RASGRF2: variants seen among roughly 807,000 people sequenced by gnomAD.
RASGRF2 encodes the protein ras-specific guanine nucleotide-releasing factor 2.
A neutral mutation model predicts 151.0 loss-of-function variants in RASGRF2; 76 were observed. That is an observed-to-expected ratio of 0.50 (90% CI 0.42 to 0.61). The LOEUF (loss-of-function observed/expected upper bound fraction) is 0.61. Among genes scored for constraint, RASGRF2 ranks in the 20% least tolerant of loss-of-function variants. RASGRF2 has a pLI of 0.00. For synonymous variants in RASGRF2, 504 were observed against 566.5 expected, an observed-to-expected ratio of 0.89 and a Z score of 1.57; for missense variants, 1,148 against 1,564.6, an observed-to-expected ratio of 0.73 and a Z score of 4.49.
intron 1 of RASGRF2, among the ~76,000 whole-genome samples, chr5:81,042,199 C>T (rs1309439064): frequency 6.6e-6 from 1 of 152,146 alleles, no homozygotes; most frequent in African/African-American, 2.4e-5. Flanking sequence ...GAGCCCAGTT[C>T]CTTTCATCCA....
chr5:81,177,076 C>A (rs1166092663), intron 17 of RASGRF2, among the ~76,000 whole-genome samples: 1 of 152,146 alleles, frequency 6.6e-6, no homozygotes, highest in African/African-American at 2.4e-5. Context: ...ACAATCCCAA[C>A]ACCATGCTAC....
At chr5:81,166,345 A>G (rs1754507180) in intron 17 of RASGRF2, among the ~76,000 whole-genome samples, 1 of 151,750 alleles carries the variant, frequency 6.6e-6, no homozygotes. Flanking sequence ...GTGCCACGAC[A>G]CCTGGCTAAT....
intron 1 of RASGRF2, among the ~76,000 whole-genome samples, chr5:80,964,702 T>C (rs1399693045): frequency 2.6e-5 from 4 of 152,192 alleles, no homozygotes; most frequent in African/African-American, 9.6e-5. Context: ...TTTTCAAAAC[T>C]ATTTAAATGG....
In RASGRF2 at chr5:81,106,488, T is replaced by C. The variant is rs547272953; in HGVS notation, c.1756-2508T>C. On this transcript the variant is annotated intron_variant, in intron 12 of 26. Coordinates refer to ENST00000265080, the MANE Select transcript of RASGRF2 (RefSeq NM_006909.3). The stretch of plus-strand genomic sequence containing the variant: ...CCCTCAGTGGCTTCCCATCTGCCTA[T>C]AGGATAAAATTAAAATTCAAGACTC... Among the ~76,000 whole-genome samples, 53 of 152,328 alleles carry C rather than the reference T, an allele frequency of 3.5e-4. 1 individual carries two copies. Among genetic ancestry groups the C allele is most frequent in the African/African-American group, 1.1e-3 (47 of 41,578 alleles).
intron 1 of RASGRF2, among the ~76,000 whole-genome samples, chr5:80,988,010 T>TGTGC (rs1259282538): frequency 1.1e-4 from 3 of 27,592 alleles, no homozygotes; most frequent in Non-Finnish European, 1.8e-4. Context: ...TAAATGTGCG[T>TGTGC]GTGTGTGTGT....
At chr5:81,087,394 A>C in intron 9 of RASGRF2, 1 of 697,402 alleles carries the variant, frequency 1.4e-6, no homozygotes, top group Non-Finnish European at 2.6e-6. Context: ...CCCATTTTTC[A>C]TCAGCACTTC....
intron 2 of RASGRF2, among the ~76,000 whole-genome samples, chr5:81,047,835 C>T (rs1484154868): frequency 6.6e-6 from 1 of 152,128 alleles, no homozygotes; most frequent in African/African-American, 2.4e-5. Context: ...TTTTGATTAC[C>T]TGTGTCTGAG....
At position 81,125,397 on chromosome 5, in the gene RASGRF2, G is replaced by C. The variant is rs181952213; in HGVS notation, c.2596+1630G>C. ...GGATATTAGCCCTTGGGGCTTTAAG[G>C]CTCCAAGTCAGTTATGGGTTATCCT... On this transcript the variant is annotated intron_variant, in intron 16 of 26. Transcript: ENST00000265080. Among the ~76,000 whole-genome samples, 262 of 152,290 alleles carry C rather than the reference G, an allele frequency of 1.7e-3. 2 individuals are homozygous for C. Among genetic ancestry groups the C allele is most frequent in the Non-Finnish European group, 3.0e-3 (202 of 68,022 alleles).
chr5:81,060,721 T>C (rs1242162371), intron 2 of RASGRF2, among the ~76,000 whole-genome samples: 1 of 152,248 alleles, frequency 6.6e-6, no homozygotes, highest in Admixed American at 6.5e-5. Flanking sequence ...ATGTTACTTA[T>C]AATCCCAATG....
At chr5:81,029,701 CAA>C (rs1360340394) in intron 1 of RASGRF2, among the ~76,000 whole-genome samples, 1 of 152,190 alleles carries the variant, frequency 6.6e-6, no homozygotes, top group Non-Finnish European at 1.5e-5. Context: ...TGGGGAGAAA[CAA>C]GAGCAGAAAA....
chr5:81,075,003 G>A lies in RASGRF2; in HGVS notation c.887+1551G>A, dbSNP rs1027519913. On this transcript the variant is annotated intron_variant, in intron 5 of 26. Transcript: ENST00000265080. The stretch of plus-strand genomic sequence containing the variant: ...AGACATTGGTCAGGTTTTGAGCAGA[G>A]AAGGGGTGTGATGTGACTTCTGTTT... Among the ~76,000 whole-genome samples, 4 of 152,214 alleles carry A rather than the reference G, an allele frequency of 2.6e-5. No individual in the cohort carries two copies. In the South Asian group the frequency reaches 6.2e-4, roughly 24 times the overall value.
chr5:81,144,178 TA>T (rs1212167809), intron 17 of RASGRF2, among the ~76,000 whole-genome samples: 1 of 152,220 alleles, frequency 6.6e-6, no homozygotes, highest in Non-Finnish European at 1.5e-5. Flanking sequence ...AGCTTTTAGT[TA>T]AAAAAATTTT....
At chr5:81,128,998 G>A (rs1032471784) in intron 17 of RASGRF2, among the ~76,000 whole-genome samples, 1 of 152,186 alleles carries the variant, frequency 6.6e-6, no homozygotes, top group African/African-American at 2.4e-5. Context: ...AATCAGCTGG[G>A]CGTGGTGGCG....
At chr5:81,178,947 C>G (rs1433020395) in intron 17 of RASGRF2, among the ~76,000 whole-genome samples, 1 of 152,118 alleles carries the variant, frequency 6.6e-6, no homozygotes, top group African/African-American at 2.4e-5. Context: ...ACCATGTTAG[C>G]CGGGATGGTC....
intron 26 of RASGRF2, among the ~76,000 whole-genome samples, chr5:81,221,753 G>T (rs532293383): frequency 6.6e-6 from 1 of 152,254 alleles, no homozygotes; most frequent in Non-Finnish European, 1.5e-5. Flanking sequence ...AAGGCAGCCG[G>T]ATTACCTGAG....
chr5:81,039,941 C>T (rs554155706), intron 1 of RASGRF2, among the ~76,000 whole-genome samples: 198 of 152,190 alleles, frequency 1.3e-3, no homozygotes, highest in African/African-American at 4.5e-3. Context: ...AGAGGTACAG[C>T]GTCATTCACT....
At chr5:81,136,793 GT>G (rs1205743892) in intron 17 of RASGRF2, among the ~76,000 whole-genome samples, 1 of 151,878 alleles carries the variant, frequency 6.6e-6, no homozygotes, top group Non-Finnish European at 1.5e-5. Context: ...TTCTGTTTGG[GT>G]TTTTTCCCCC....
At chr5:81,142,185 A>G (rs962011954) in intron 17 of RASGRF2, among the ~76,000 whole-genome samples, 24 of 152,146 alleles carry the variant, frequency 1.6e-4, no homozygotes, top group African/African-American at 5.1e-4. Flanking sequence ...TTGATTTCCA[A>G]TGGAGTGTAG....
At chr5:80,985,898 G>A (rs773686074) in intron 1 of RASGRF2, among the ~76,000 whole-genome samples, 6 of 151,934 alleles carry the variant, frequency 3.9e-5, no homozygotes, top group Non-Finnish European at 7.4e-5. Flanking sequence ...AATATAGAGT[G>A]TGTGCTTGAC....
Sources: gnomAD v4.1 joint callset for allele counts (sites outside exome capture counted in the v4.1 genomes callset) on GRCh38, gnomAD v4.1.1 for gene constraint, MANE v1.5 for transcripts, NCBI Gene and HGNC (gene_info 2026-07-23, HGNC 2026-07-21) for gene names.